Variants in ARHGAP44 observed in about 807,000 individuals in gnomAD.
The protein encoded by ARHGAP44 is rho GTPase-activating protein 44.
A neutral mutation model predicts 106.8 loss-of-function variants in ARHGAP44; 43 were observed. The observed-to-expected ratio is 0.40, with a 90% CI of 0.32 to 0.52. The LOEUF is 0.52. ARHGAP44 is among the 20% of genes least tolerant of loss of function. The pLI, the probability that ARHGAP44 is intolerant of heterozygous loss-of-function variation, is 0.48. For synonymous variants in ARHGAP44, 439 were observed against 410.3 expected, an observed-to-expected ratio of 1.07 and a Z score of -0.85; for missense variants, 866 against 1,050.5, an observed-to-expected ratio of 0.82 and a Z score of 2.43.
intron 1 of ARHGAP44, among the ~76,000 whole-genome samples, chr17:12,847,040 C>A (rs1597930367): frequency 1.3e-5 from 2 of 152,166 alleles, no homozygotes; most frequent in Non-Finnish European, 2.9e-5. Flanking sequence ...AACTGTGTTT[C>A]CACCTCTTCT....
At chr17:12,917,107 A>G (rs1311952118) in intron 5 of ARHGAP44, among the ~76,000 whole-genome samples, 1 of 152,188 alleles carries the variant, frequency 6.6e-6, no homozygotes, top group African/African-American at 2.4e-5. Flanking sequence ...CACTCCATCT[A>G]TATAAAATCT....
At chr17:12,828,401 A>AT (rs1490324309) in intron 1 of ARHGAP44, among the ~76,000 whole-genome samples, 1 of 152,048 alleles carries the variant, frequency 6.6e-6, no homozygotes, top group East Asian at 1.9e-4. Flanking sequence ...AGGTATTTTC[A>AT]TTTTTTTCCT....
At chr17:12,835,382 C>T (rs2035207312) in intron 1 of ARHGAP44, among the ~76,000 whole-genome samples, 1 of 152,042 alleles carries the variant, frequency 6.6e-6, no homozygotes, top group African/African-American at 2.4e-5. Context: ...ATATCAGGTT[C>T]TGGGCATTGA....
intron 2 of ARHGAP44, among the ~76,000 whole-genome samples, chr17:12,895,914 A>G (rs888659056): frequency 3.9e-5 from 6 of 152,206 alleles, no homozygotes. Flanking sequence ...ATGGAATACT[A>G]TGCAGCCATA....
At chr17:12,824,463 A>G (rs2034861660) in intron 1 of ARHGAP44, among the ~76,000 whole-genome samples, 1 of 151,810 alleles carries the variant, frequency 6.6e-6, no homozygotes, top group Non-Finnish European at 1.5e-5. Context: ...GTTCAAAATG[A>G]CCTCACACTC....
At chr17:12,873,130 C>T (rs924100471) in intron 1 of ARHGAP44, among the ~76,000 whole-genome samples, 3 of 150,562 alleles carry the variant, frequency 2.0e-5, no homozygotes, top group Non-Finnish European at 4.4e-5. Context: ...TTAGAGTAAC[C>T]ATGCCATTTT....
At position 12,845,506 on chromosome 17, in the gene ARHGAP44, C is replaced by CAAAAAAAA. The variant is rs748288660; in HGVS notation, c.54-49425_54-49418dup. On this transcript the variant is annotated intron_variant, in intron 1 of 20. Transcript: ENST00000379672. ...CTGGTGACAAAGCAAGACTCCGTCT[C>CAAAAAAAA]AAAAAAAAAAAAAAAACAAAAAAAC... Among the ~76,000 whole-genome samples, 362 of 67,860 alleles carry CAAAAAAAA rather than the reference C, an allele frequency of 5.3e-3. 3 individuals carry two copies. The highest frequency in any genetic ancestry group is 0.016 in the African/African-American group (284 of 17,862). 44.5% of individuals were successfully genotyped at this position (67,860 alleles called of 152,430 possible).
At chr17:12,914,433 A>G (rs545622023) in intron 4 of ARHGAP44, among the ~76,000 whole-genome samples, 2 of 152,356 alleles carry the variant, frequency 1.3e-5, no homozygotes, top group Admixed American at 1.3e-4. Context: ...TAATGGTGGT[A>G]TATTCAAAGA....
chr17:12,872,169 T>C (rs2036424145), intron 1 of ARHGAP44, among the ~76,000 whole-genome samples: 1 of 152,244 alleles, frequency 6.6e-6, no homozygotes, highest in Non-Finnish European at 1.5e-5. Flanking sequence ...ATAACTTTCC[T>C]GGGCATATTT....
At chr17:12,952,273 T>C (rs2039008797) in intron 12 of ARHGAP44, among the ~76,000 whole-genome samples, 1 of 152,078 alleles carries the variant, frequency 6.6e-6, no homozygotes, top group African/African-American at 2.4e-5. Context: ...ACATATTCAC[T>C]TGGGGCCTCT....
At chr17:12,979,534 C>T (rs907750134) in intron 18 of ARHGAP44, among the ~76,000 whole-genome samples, 1 of 152,158 alleles carries the variant, frequency 6.6e-6, no homozygotes, top group African/African-American at 2.4e-5. Context: ...GAGGATGAGT[C>T]CTAGAATCCC....
At chr17:12,836,156 C>G (rs558533391) in intron 1 of ARHGAP44, among the ~76,000 whole-genome samples, 9 of 152,066 alleles carry the variant, frequency 5.9e-5, no homozygotes, top group Admixed American at 5.2e-4. Context: ...ATTATATATT[C>G]CCAGAAGTGG....
At chr17:12,937,174 G>A (rs1310625184) in intron 7 of ARHGAP44, among the ~76,000 whole-genome samples, 1 of 152,108 alleles carries the variant, frequency 6.6e-6, no homozygotes, top group Admixed American at 6.6e-5. Flanking sequence ...GAGGGGGTTG[G>A]CGTTGAGTAT....
chr17:12,940,859 C>CT (rs1380727733), intron 7 of ARHGAP44, among the ~76,000 whole-genome samples, 197 bp from the exon 8 acceptor site: 1 of 152,148 alleles, frequency 6.6e-6, no homozygotes, highest in African/African-American at 2.4e-5. Flanking sequence ...CATAGGTGTT[C>CT]TTTTCAAACT....
chr17:12,836,192 T>A (rs1017262475), intron 1 of ARHGAP44, among the ~76,000 whole-genome samples: 1 of 152,124 alleles, frequency 6.6e-6, no homozygotes, highest in African/African-American at 2.4e-5. Context: ...TAAGAACTTG[T>A]AGATAAGGAC....
chr17:12,952,366 T>C, intron 12 of ARHGAP44, 135 bp from the exon 13 acceptor site: 1 of 740,578 alleles, frequency 1.4e-6, no homozygotes, highest in Non-Finnish European at 2.2e-6. Flanking sequence ...AACAACCAAA[T>C]TTTTAAATAC....
intron 1 of ARHGAP44, chr17:12,790,199 TCTCC>T (rs1337545674): frequency 5.3e-6 from 2 of 376,312 alleles, no homozygotes; most frequent in African/African-American, 4.3e-5. Context: ...GGGACTCCCT[TCTCC>T]CTCTGGCCGC....
intron 1 of ARHGAP44, among the ~76,000 whole-genome samples, chr17:12,864,247 G>A (rs933731265): frequency 1.3e-5 from 2 of 152,178 alleles, no homozygotes; most frequent in East Asian, 1.9e-4. Context: ...CCAGAGATGC[G>A]ACAGTGCTAA....
intron 1 of ARHGAP44, among the ~76,000 whole-genome samples, chr17:12,800,997 C>G (rs2034075324): frequency 6.6e-6 from 1 of 152,218 alleles, no homozygotes; most frequent in African/African-American, 2.4e-5. Flanking sequence ...CCCTTAACCA[C>G]AAGGAGCATA....
Sources: allele counts gnomAD v4.1 joint callset (sites outside exome capture counted in the v4.1 genomes callset), GRCh38; gene constraint gnomAD v4.1.1; transcripts MANE v1.5; gene names NCBI Gene and HGNC (gene_info 2026-07-23, HGNC 2026-07-21).